Variants in EYS observed in about 807,000 individuals in gnomAD.
EYS encodes protein eyes shut homolog.
In EYS, 250 loss-of-function variants were observed where a neutral mutation model predicts 282.1. The observed-to-expected ratio is 0.89, with a 90% confidence interval of 0.80 to 0.98. The LOEUF is 0.98. Ranked by LOEUF, EYS falls within the 50% of genes least tolerant of loss-of-function variation. The pLI, the probability that EYS is intolerant of heterozygous loss-of-function variation, is 0.00. For synonymous variants in EYS, 1,355 were observed against 1,282.9 expected, an observed-to-expected ratio of 1.06 and a Z score of -1.20; for missense variants, 4,016 against 3,709.0, an observed-to-expected ratio of 1.08 and a Z score of -2.15.
chr6:64,696,262 A>C (rs563176977), intron 22 of EYS, among the ~76,000 whole-genome samples: 6 of 152,318 alleles, frequency 3.9e-5, no homozygotes, highest in African/African-American at 1.2e-4. Context: ...GAGCACAAGA[A>C]AGAATCTCAG....
intron 2 of EYS, among the ~76,000 whole-genome samples, chr6:65,517,677 A>T (rs926431340): frequency 1.3e-5 from 2 of 152,130 alleles, no homozygotes; most frequent in African/African-American, 4.8e-5. Flanking sequence ...TTGGAAATTA[A>T]CATTTAAGAA....
intron 29 of EYS, among the ~76,000 whole-genome samples, chr6:64,316,510 C>T (rs936318594): frequency 9.9e-5 from 15 of 151,864 alleles, no homozygotes; most frequent in East Asian, 1.9e-4. Context: ...TTACAAGGGA[C>T]GTGAAGGACC....
At chr6:64,825,798 T>C (rs1765037208) in intron 19 of EYS, among the ~76,000 whole-genome samples, 1 of 151,814 alleles carries the variant, frequency 6.6e-6, no homozygotes, top group African/African-American at 2.4e-5. Flanking sequence ...CACAATGATC[T>C]CCCACAAATA....
chr6:65,124,805 C>A (rs1775670885), intron 12 of EYS, among the ~76,000 whole-genome samples: 1 of 152,152 alleles, frequency 6.6e-6, no homozygotes, highest in African/African-American at 2.4e-5. Flanking sequence ...TTAGAAATTA[C>A]CAACACAGAT....
intron 28 of EYS, among the ~76,000 whole-genome samples, chr6:64,399,224 A>G (rs1454580103): frequency 6.6e-6 from 1 of 151,730 alleles, no homozygotes; most frequent in Admixed American, 6.6e-5. Flanking sequence ...AATATATATG[A>G]ACTCTATGTT....
At chr6:64,800,414 A>G (rs189851896) in intron 22 of EYS, among the ~76,000 whole-genome samples, 1 of 152,186 alleles carries the variant, frequency 6.6e-6, no homozygotes, top group East Asian at 1.9e-4. Flanking sequence ...GAACTTTCTG[A>G]AAATCTCTTT....
rs189932382 is a variant in EYS at position 65,266,059 on chromosome 6, A to G, written c.2023+29804T>C. Among the ~76,000 whole-genome samples the G allele has an allele frequency of 1.1e-4, 16 of 152,070 alleles. No homozygotes were observed. The East Asian group carries it at 3.1e-3, about 29-fold the overall frequency. On this transcript the variant is annotated intron_variant, in intron 12 of 42. Transcript: ENST00000503581. ...TTGCCTTGTAAGTAAGAAATACAGT[A>G]TTATCCTTCCATATCTCATTCTTGA... is the stretch of plus-strand genomic sequence containing the variant.
intron 14 of EYS, among the ~76,000 whole-genome samples, chr6:64,989,135 T>C (rs1169327306): frequency 6.6e-6 from 1 of 151,208 alleles, no homozygotes; most frequent in African/African-American, 2.4e-5. Context: ...GTACCTGCTA[T>C]GAATATGTTT....
At chr6:65,392,589 C>T (rs1363232089) in intron 7 of EYS, among the ~76,000 whole-genome samples, 5 of 152,098 alleles carry the variant, frequency 3.3e-5, no homozygotes, top group Admixed American at 3.3e-4. Context: ...CATCACTGGC[C>T]ATCAGAGAAA....
chr6:64,514,984 C>T (rs996423997), intron 26 of EYS, among the ~76,000 whole-genome samples: 1 of 151,800 alleles, frequency 6.6e-6, no homozygotes, highest in African/African-American at 2.4e-5. Context: ...TATATTTATG[C>T]AATTTTTCTC....
At chr6:65,541,526 TC>T (rs1429950658) in intron 2 of EYS, among the ~76,000 whole-genome samples, 4 of 152,196 alleles carry the variant, frequency 2.6e-5, no homozygotes, top group African/African-American at 9.6e-5. Context: ...TTTGTTATAA[TC>T]CAGACTATAT....
intron 35 of EYS, among the ~76,000 whole-genome samples, chr6:63,939,542 A>G (rs904845859): frequency 6.6e-6 from 1 of 152,206 alleles, no homozygotes; most frequent in Non-Finnish European, 1.5e-5. Flanking sequence ...GTTTTCCATA[A>G]TTAATGTCAT....
At chr6:65,561,576 G>A (rs1399781799) in intron 2 of EYS, among the ~76,000 whole-genome samples, 2 of 151,936 alleles carry the variant, frequency 1.3e-5, no homozygotes, top group Admixed American at 1.3e-4. Flanking sequence ...GTATTAAATG[G>A]TATCTTTTAG....
At chr6:64,991,909 G>C (rs757534544) in intron 14 of EYS, among the ~76,000 whole-genome samples, 1 of 151,706 alleles carries the variant, frequency 6.6e-6, no homozygotes, top group Non-Finnish European at 1.5e-5. Context: ...ACATGAAATA[G>C]AAATCTCTGT....
At chr6:65,480,442 C>T (rs1255415316) in intron 5 of EYS, among the ~76,000 whole-genome samples, 1 of 151,926 alleles carries the variant, frequency 6.6e-6, no homozygotes. Context: ...AGAGAAGCAA[C>T]ATATTATATT....
intron 22 of EYS, among the ~76,000 whole-genome samples, chr6:64,795,973 G>GACTT (rs1293360760): frequency 6.6e-6 from 1 of 151,960 alleles, no homozygotes; most frequent in African/African-American, 2.4e-5. Context: ...CTAGTTGCAG[G>GACTT]ACTTGCGTAC....
chr6:65,393,792 G>T (rs1188026881), intron 7 of EYS, among the ~76,000 whole-genome samples: 1 of 151,744 alleles, frequency 6.6e-6, no homozygotes, highest in African/African-American at 2.4e-5. Context: ...ACATCAAATT[G>T]AAATTTAAGT....
intron 33 of EYS, among the ~76,000 whole-genome samples, chr6:64,048,912 CCCT>C (rs1770718594): frequency 6.6e-6 from 1 of 152,006 alleles, no homozygotes; most frequent in Admixed American, 6.6e-5. Flanking sequence ...TCTTTTCCCC[CCCT>C]AGATGTTTGC....
At chr6:64,058,504 G>A (rs1443922840) in intron 33 of EYS, among the ~76,000 whole-genome samples, 1 of 152,042 alleles carries the variant, frequency 6.6e-6, no homozygotes, top group East Asian at 1.9e-4. Flanking sequence ...CTACAGAAGT[G>A]GAAGGAAAAA....
Sources: gnomAD v4.1 joint callset for allele counts (sites outside exome capture counted in the v4.1 genomes callset) on GRCh38, gnomAD v4.1.1 for gene constraint, MANE v1.5 for transcripts, NCBI Gene and HGNC (gene_info 2026-07-23, HGNC 2026-07-21) for gene names.